Variants in XKR6 observed in about 807,000 individuals in gnomAD.
XKR6 encodes XK related 6.
A neutral mutation model predicts 56.7 loss-of-function variants in XKR6; 22 were observed. That is an observed-to-expected ratio of 0.39 (90% CI 0.28 to 0.55). XKR6 has a LOEUF of 0.55. XKR6 is among the 20% of genes least tolerant of loss of function. The pLI, the probability that XKR6 is intolerant of heterozygous loss-of-function variation, is 0.66. For synonymous variants in XKR6, 524 were observed against 387.8 expected, an observed-to-expected ratio of 1.35 and a Z score of -4.13; for missense variants, 852 against 889.0, an observed-to-expected ratio of 0.96 and a Z score of 0.53.
chr8:10,985,124 T>A (rs1428091993), intron 1 of XKR6, among the ~76,000 whole-genome samples: 1 of 151,950 alleles, frequency 6.6e-6, no homozygotes, highest in African/African-American at 2.4e-5. Context: ...TTTCTATTTT[T>A]TGTGGAGAGG....
chr8:11,068,381 C>T (rs906858927), intron 1 of XKR6, among the ~76,000 whole-genome samples: 1 of 152,194 alleles, frequency 6.6e-6, no homozygotes, highest in Non-Finnish European at 1.5e-5. Context: ...TGGTCCCCTC[C>T]ATGAAGGACT....
intron 1 of XKR6, among the ~76,000 whole-genome samples, chr8:11,039,464 G>A: frequency 6.6e-6 from 1 of 152,250 alleles, no homozygotes. Flanking sequence ...CAAGATGAGG[G>A]ACGCGCACTG....
At chr8:11,157,317 G>T (rs114404096) in intron 1 of XKR6, among the ~76,000 whole-genome samples, 169 of 152,246 alleles carry the variant, frequency 1.1e-3, no homozygotes, top group African/African-American at 3.9e-3. Flanking sequence ...AATAAAGCCT[G>T]GGGTATAATA....
At chr8:11,173,932 C>G (rs1445753833) in intron 1 of XKR6, among the ~76,000 whole-genome samples, 1 of 152,222 alleles carries the variant, frequency 6.6e-6, no homozygotes, top group African/African-American at 2.4e-5. Context: ...AACATGACAA[C>G]TTACTGCTGA....
chr8:10,920,165 T>C (rs893029163), intron 2 of XKR6, among the ~76,000 whole-genome samples: 118 of 152,202 alleles, frequency 7.8e-4, no homozygotes, highest in African/African-American at 2.6e-3. Context: ...TGGTATACAG[T>C]GGACAAGAGT....
In XKR6 at chr8:11,144,244, G is replaced by GTGTGTGTGTGTGTGTGTA. The variant is rs767539492; in HGVS notation, c.764+56331_764+56332insTACACACACACACACACA. On this transcript the variant is annotated intron_variant, in intron 1 of 2. Transcript: ENST00000416569. The stretch of plus-strand genomic sequence containing the variant: ...AAAAAGTGTGTGTGTGTGTGTGTGT[G>GTGTGTGTGTGTGTGTGTA]TGTGTGTGTGTATCTAAAGTAGGCT... Among the ~76,000 whole-genome samples the GTGTGTGTGTGTGTGTGTA allele has an allele frequency of 5.2e-3, 776 of 149,520 alleles. 6 individuals are homozygous for GTGTGTGTGTGTGTGTGTA. Among genetic ancestry groups the GTGTGTGTGTGTGTGTGTA allele is most frequent in the African/African-American group, 0.015 (618 of 39,942 alleles).
intron 1 of XKR6, among the ~76,000 whole-genome samples, chr8:10,956,684 G>A (rs1478916467): frequency 3.4e-5 from 5 of 147,986 alleles, no homozygotes; most frequent in Non-Finnish European, 7.5e-5. Flanking sequence ...GATGTCAAAG[G>A]GAAGCATCGT....
rs1315606660 is a variant in XKR6 at position 10,896,849 on chromosome 8, GAGGCTTT to G, written c.*1096_*1102del. ...GGCTTCCCACCAAATGGAAACAGAA[GAGGCTTT>G]ACACAATATCACATGTGATAAATGT... On this transcript the variant is annotated 3_prime_UTR_variant, in exon 3 of 3. Transcript: ENST00000416569. 1 of 152,328 alleles carries G rather than the reference GAGGCTTT, an allele frequency of 6.6e-6. No individual in the cohort carries two copies. Among genetic ancestry groups the G allele is most frequent in the African/African-American group, 2.4e-5 (1 of 41,334 alleles). The allele number at this position is 152,328 out of a possible 1,614,324, so 9.4% of individuals were successfully genotyped here. A position where few individuals can be genotyped will look rare whatever the true frequency, so the allele number is the denominator to read the frequency against.
intron 1 of XKR6, among the ~76,000 whole-genome samples, chr8:10,944,701 A>G (rs191962353): frequency 2.3e-4 from 35 of 152,174 alleles, no homozygotes; most frequent in Admixed American, 1.7e-3. Flanking sequence ...AGAAACTTCT[A>G]TGCTCCCCTC....
Position 11,094,079 on chromosome 8 carries a change from C to T in XKR6, c.764+106497G>A, listed in dbSNP as rs574334005. Among the ~76,000 whole-genome samples, 45 of 131,306 alleles carry T rather than the reference C, an allele frequency of 3.4e-4. 1 individual carries two copies. In the South Asian group the frequency reaches 3.7e-3, roughly 11 times the overall value. The allele number at this position is 131,306 out of a possible 152,430, so 86.1% of individuals were successfully genotyped here. A position where few individuals can be genotyped will look rare whatever the true frequency, so the allele number is the denominator to read the frequency against. On this transcript the variant is annotated intron_variant, in intron 1 of 2. Transcript: ENST00000416569. ...GATTACAGGCGTGAGCCACCGCGCC[C>T]GGCCTTTTTTTTTTTTTGACAGAGT... is the stretch of plus-strand genomic sequence containing the variant.
intron 1 of XKR6, among the ~76,000 whole-genome samples, chr8:11,057,617 G>T (rs143794400): frequency 2.4e-4 from 37 of 152,198 alleles, no homozygotes; most frequent in Non-Finnish European, 5.0e-4. Flanking sequence ...GTTTTGTTCA[G>T]CAGGAGTCCC....
Position 11,201,436 on chromosome 8 carries a change from G to T in XKR6, c.-97C>A, listed in dbSNP as rs1804241019. 1 of 468,012 alleles carries T rather than the reference G, an allele frequency of 2.1e-6. No individual in the cohort carries two copies. Among genetic ancestry groups the T allele is most frequent in the African/African-American group, 2.2e-5 (1 of 46,310 alleles). 29.0% of individuals were successfully genotyped at this position (468,012 alleles called of 1,614,324 possible). A position where few individuals can be genotyped will look rare whatever the true frequency, so the allele number is the denominator to read the frequency against. On this transcript the variant is annotated 5_prime_UTR_variant, in exon 1 of 3. Transcript: ENST00000416569. Reference sequence around the variant, plus strand: ...GGGGAGGGGGGGAAACGAATGGAGAGGAAGGGGGGCGGGGAGGAAGCGGGG... The same window carrying T: ...GGGGAGGGGGGGAAACGAATGGAGATGAAGGGGGGCGGGGAGGAAGCGGGG...
intron 1 of XKR6, among the ~76,000 whole-genome samples, chr8:11,177,998 G>A (rs1035479761): frequency 3.3e-5 from 5 of 152,088 alleles, no homozygotes; most frequent in African/African-American, 4.8e-5. Context: ...CCAAAAAAAC[G>A]GATCCCATCG....
intron 1 of XKR6, among the ~76,000 whole-genome samples, chr8:10,981,223 T>C (rs1368976493): frequency 6.6e-6 from 1 of 152,174 alleles, no homozygotes; most frequent in East Asian, 1.9e-4. Context: ...GAAAAATGTG[T>C]GCTTGTCCCC....
intron 1 of XKR6, among the ~76,000 whole-genome samples, chr8:10,964,678 C>A (rs1802163093): frequency 6.6e-6 from 1 of 152,198 alleles, no homozygotes; most frequent in Non-Finnish European, 1.5e-5. Context: ...AGTTACATGA[C>A]CTCACCCGCG....
At chr8:11,123,175 C>T (rs375270134) in intron 1 of XKR6, among the ~76,000 whole-genome samples, 17 of 147,158 alleles carry the variant, frequency 1.2e-4, no homozygotes, top group African/African-American at 4.3e-4. Context: ...AGGTGGAGGT[C>T]GCAGTGAGCC....
chr8:10,931,204 T>A (rs1041199249), intron 1 of XKR6, among the ~76,000 whole-genome samples: 5 of 152,148 alleles, frequency 3.3e-5, no homozygotes, highest in African/African-American at 9.7e-5. Context: ...AAAATGAAAT[T>A]CTTAGAGACA....
Position 10,984,732 on chromosome 8 carries a change from C to CTCTATATA in XKR6, c.765-59903_765-59902insTATATAGA. 8.8e-3 allele frequency among the ~76,000 whole-genome samples: 417 copies of CTCTATATA among 47,478 alleles called. 5 individuals carry two copies. Among genetic ancestry groups the CTCTATATA allele is most frequent in the African/African-American group, 0.011 (123 of 11,100 alleles). 31.1% of individuals were successfully genotyped at this position (47,478 alleles called of 152,430 possible). A position where few individuals can be genotyped will look rare whatever the true frequency, so the allele number is the denominator to read the frequency against. ...TCTCTCTCTCTCTCTCTCTCTCTCT[C>CTCTATATA]TATATATATATATATATATATATAT... On this transcript the variant is annotated intron_variant, in intron 1 of 2. Transcript: ENST00000416569.
At chr8:11,178,428 A>G (rs1174929009) in intron 1 of XKR6, among the ~76,000 whole-genome samples, 1 of 151,692 alleles carries the variant, frequency 6.6e-6, no homozygotes, top group Non-Finnish European at 1.5e-5. Context: ...TCCAACCAGA[A>G]AGAACTTTTT....
Sources: allele counts gnomAD v4.1 joint callset (sites outside exome capture counted in the v4.1 genomes callset), GRCh38; gene constraint gnomAD v4.1.1; transcripts MANE v1.5; gene names NCBI Gene and HGNC (gene_info 2026-07-23, HGNC 2026-07-21).